SH3BP4: variants seen among roughly 807,000 people sequenced by gnomAD.
SH3BP4 encodes SH3 domain binding protein 4.
SH3BP4 carries 33 observed loss-of-function variants against 65.5 expected under a neutral mutation model. The ratio of observed to expected loss-of-function variants is 0.50; its 90% CI spans 0.38 to 0.67. The LOEUF is 0.67. Ranked by LOEUF, SH3BP4 falls within the 30% of genes least tolerant of loss-of-function variation. SH3BP4 has a pLI of 0.00. For synonymous variants in SH3BP4, 552 were observed against 545.5 expected (o/e 1.01, Z -0.17); for missense variants, 1,134 against 1,261.4 (o/e 0.90, Z 1.53).
intron 1 of SH3BP4, among the ~76,000 whole-genome samples, chr2:234,975,866 A>T (rs141291009): frequency 1.3e-5 from 2 of 151,994 alleles, no homozygotes; most frequent in African/African-American, 4.8e-5. Context: ...ACAGAGCAAG[A>T]CCCTCTCTCA....
chr2:235,038,252 TATATA>T (rs1360219270), intron 3 of SH3BP4, among the ~76,000 whole-genome samples: 1 of 40,616 alleles, frequency 2.5e-5, no homozygotes, highest in African/African-American at 1.7e-4. Context: ...ATATATATTA[TATATA>T]ATATATATTA....
chr2:234,956,468 C>A (rs778747540), intron 1 of SH3BP4, among the ~76,000 whole-genome samples: 4 of 152,110 alleles, frequency 2.6e-5, no homozygotes, highest in African/African-American at 4.8e-5. Context: ...CCCAACTCTT[C>A]TGTAGAGATT....
chr2:234,957,742 G>A (rs1692620992), intron 1 of SH3BP4, among the ~76,000 whole-genome samples: 1 of 152,088 alleles, frequency 6.6e-6, no homozygotes, highest in East Asian at 2.0e-4. Flanking sequence ...TATCCACGTT[G>A]AACACCAGGG....
At chr2:234,953,964 C>T (rs1044825152) in intron 1 of SH3BP4, among the ~76,000 whole-genome samples, 3 of 151,642 alleles carry the variant, frequency 2.0e-5, no homozygotes, top group Non-Finnish European at 2.9e-5. Context: ...GATATTTAGG[C>T]GGGACCCCAG....
intron 1 of SH3BP4, among the ~76,000 whole-genome samples, chr2:234,960,356 T>A (rs922023743): frequency 2.0e-5 from 3 of 152,206 alleles, no homozygotes. Flanking sequence ...CAAATGTTTG[T>A]AAGAGGAATG....
At position 235,052,069 on chromosome 2, in the gene SH3BP4, G is replaced by T. The variant is rs554917293; in HGVS notation, c.2479-493G>T. On this transcript the variant is annotated intron_variant, in intron 4 of 5. Transcript: ENST00000392011. The surrounding 1 kb of genome is among the most constrained non-coding windows in gnomAD (Gnocchi z 5.0). ...CCAGGGTGGCCTCCGTCTGGAAGCA[G>T]TGGGGGAGAAGGGGTTGCAGGCCTG... Among the ~76,000 whole-genome samples the T allele has an allele frequency of 6.6e-6, 1 of 152,180 alleles. No homozygotes were observed. Among genetic ancestry groups the T allele is most frequent in the Non-Finnish European group, 1.5e-5 (1 of 68,034 alleles).
chr2:235,020,358 G>A (rs557220103), intron 2 of SH3BP4, among the ~76,000 whole-genome samples: 10 of 152,100 alleles, frequency 6.6e-5, no homozygotes, highest in South Asian at 2.1e-4. Flanking sequence ...TTAGCCAGGC[G>A]TGGTGGCGCG....
intron 2 of SH3BP4, among the ~76,000 whole-genome samples, chr2:235,002,051 G>A (rs888403420): frequency 6.6e-6 from 1 of 151,652 alleles, no homozygotes; most frequent in Admixed American, 6.6e-5. Context: ...AGCAGAGACA[G>A]CGTTTCACCA....
intron 2 of SH3BP4, among the ~76,000 whole-genome samples, chr2:235,023,539 T>TC (rs1174390202): frequency 1.3e-5 from 2 of 151,876 alleles, no homozygotes; most frequent in Non-Finnish European, 2.9e-5. Flanking sequence ...ACAGTGAGAC[T>TC]CCATCTCGGG....
chr2:234,997,989 G>C lies in SH3BP4; in HGVS notation c.-133+2613G>C, dbSNP rs1045686125. ...TACAAAAAAATTAGCCGGGCGTGGTGGTGGGCGCCTATAGTCCCAGCTACT... is the reference window on the plus strand; with the variant it reads ...TACAAAAAAATTAGCCGGGCGTGGTCGTGGGCGCCTATAGTCCCAGCTACT... On this transcript the variant is annotated intron_variant, in intron 2 of 5. Transcript: ENST00000392011. The surrounding 1 kb of genome is among the most constrained non-coding windows in gnomAD (Gnocchi z 4.2). Among the ~76,000 whole-genome samples, 2 of 152,116 alleles carry C rather than the reference G, an allele frequency of 1.3e-5. No individual in the cohort carries two copies. The highest frequency in any genetic ancestry group is 2.9e-5 in the Non-Finnish European group (2 of 68,022).
intron 4 of SH3BP4, among the ~76,000 whole-genome samples, chr2:235,050,748 C>T (rs1484966105): frequency 6.6e-6 from 1 of 152,058 alleles, no homozygotes; most frequent in African/African-American, 2.4e-5. Flanking sequence ...AAGTAAGCAG[C>T]CCAGCCGACC....
chr2:235,000,137 C>A (rs1432363991), intron 2 of SH3BP4, among the ~76,000 whole-genome samples: 16 of 152,180 alleles, frequency 1.1e-4, no homozygotes, highest in Non-Finnish European at 7.4e-5. Flanking sequence ...CACTGGGAAC[C>A]CCAGGCAATA....
rs1696088523 is a variant in SH3BP4 at position 235,052,485 on chromosome 2, T to C, written c.2479-77T>C. The C allele has an allele frequency of 8.3e-7, 1 of 1,210,084 alleles. No homozygotes were observed. The highest frequency in any genetic ancestry group is 2.7e-5 in the Admixed American group (1 of 36,794). 75.0% of individuals were successfully genotyped at this position (1,210,084 alleles called of 1,614,324 possible). A position where few individuals can be genotyped will look rare whatever the true frequency, so the allele number is the denominator to read the frequency against. On this transcript the variant is annotated intron_variant, in intron 4 of 5. Coordinates refer to ENST00000392011, the MANE Select transcript of SH3BP4 (RefSeq NM_014521.3). This position sits in a 1 kb window ranked among gnomAD's most constrained non-coding sequence, Gnocchi z 5.0. ...AGAGCCCATGGCCATTCCTGCGCCGTCTGCTGGAATTCTGCGGGGAGCAGA... is the reference window on the plus strand; with the variant it reads ...AGAGCCCATGGCCATTCCTGCGCCGCCTGCTGGAATTCTGCGGGGAGCAGA...
chr2:235,052,376 A>G lies in SH3BP4; in HGVS notation c.2479-186A>G, dbSNP rs1696083688. ...CACTGGTGAACCTGGCACGCTCTGCACATCATCTCTTTTCTCCCGTGAATC... is the reference window on the plus strand; with the variant it reads ...CACTGGTGAACCTGGCACGCTCTGCGCATCATCTCTTTTCTCCCGTGAATC... On this transcript the variant is annotated intron_variant, in intron 4 of 5. Transcript: ENST00000392011. This position sits in a 1 kb window ranked among gnomAD's most constrained non-coding sequence, Gnocchi z 5.0. Among the ~76,000 whole-genome samples, 1 of 152,144 alleles carries G rather than the reference A, an allele frequency of 6.6e-6. No homozygotes were observed. Among genetic ancestry groups the G allele is most frequent in the African/African-American group, 2.4e-5 (1 of 41,422 alleles).
intron 1 of SH3BP4, among the ~76,000 whole-genome samples, chr2:234,992,247 G>T (rs1469254134): frequency 1.3e-5 from 2 of 152,196 alleles, no homozygotes; most frequent in East Asian, 3.8e-4. Context: ...GCCTTGGGGG[G>T]CAGGAGCTGG....
In SH3BP4 at chr2:235,021,619, C is replaced by CA. The variant is rs60474372; in HGVS notation, c.-132-13235dup. 5.2e-3 allele frequency among the ~76,000 whole-genome samples: 528 copies of CA among 101,084 alleles called. 1 individual carries two copies. Among genetic ancestry groups the CA allele is most frequent in the Middle Eastern group, 0.016 (3 of 184 alleles). The allele number at this position is 101,084 out of a possible 152,430, so 66.3% of individuals were successfully genotyped here. On this transcript the variant is annotated intron_variant, in intron 2 of 5. Coordinates refer to ENST00000392011, the MANE Select transcript of SH3BP4 (RefSeq NM_014521.3). ...GGGTGAAAGAGTGAGACTTTGTCTC[C>CA]AAAAAAAAAAAAAAAAATGATAATA...
chr2:235,034,090 C>T lies in SH3BP4; in HGVS notation c.-132-781C>T, dbSNP rs1695289341. Among the ~76,000 whole-genome samples the T allele has an allele frequency of 6.6e-6, 1 of 152,066 alleles. No individual in the cohort carries two copies. The highest frequency in any genetic ancestry group is 1.5e-5 in the Non-Finnish European group (1 of 68,010). ...CTTCTCCCTGGACCCTGCTGAAGGGCCTGCTCAGAGCCAGTCACCTCATTC... is the reference window on the plus strand; with the variant it reads ...CTTCTCCCTGGACCCTGCTGAAGGGTCTGCTCAGAGCCAGTCACCTCATTC... On this transcript the variant is annotated intron_variant, in intron 2 of 5. Transcript: ENST00000392011. The surrounding 1 kb of genome is among the most constrained non-coding windows in gnomAD (Gnocchi z 6.2).
chr2:234,958,288 G>A (rs967584899), intron 1 of SH3BP4, among the ~76,000 whole-genome samples: 19 of 152,160 alleles, frequency 1.2e-4, no homozygotes, highest in African/African-American at 4.6e-4. Flanking sequence ...TAAAATGTGA[G>A]AGCTTTCCTT....
At chr2:234,959,948 G>C (rs144349552) in intron 1 of SH3BP4, among the ~76,000 whole-genome samples, 1 of 152,210 alleles carries the variant, frequency 6.6e-6, no homozygotes, top group East Asian at 1.9e-4. Context: ...CACCTTGCCC[G>C]GCGAGGATTT....
Sources: allele counts gnomAD v4.1 joint callset (sites outside exome capture counted in the v4.1 genomes callset), GRCh38; gene constraint gnomAD v4.1.1; non-coding constraint Gnocchi (gnomAD v3.1); transcripts MANE v1.5; gene names NCBI Gene and HGNC (gene_info 2026-07-23, HGNC 2026-07-21).